Variants in ASIC2 observed in about 807,000 individuals in gnomAD.
ASIC2 encodes acid-sensing ion channel 2.
In ASIC2, 25 loss-of-function variants were observed where a neutral mutation model predicts 57.3. The ratio of observed to expected loss-of-function variants is 0.44; its 90% CI spans 0.32 to 0.61. ASIC2 has a LOEUF of 0.61. Among genes scored for constraint, ASIC2 ranks in the 20% least tolerant of loss-of-function variants. The pLI is 0.06. For synonymous variants in ASIC2, 319 were observed against 307.5 expected, an observed-to-expected ratio of 1.04 and a Z score of -0.39; for missense variants, 641 against 738.1, an observed-to-expected ratio of 0.87 and a Z score of 1.52.
At chr17:33,836,011 C>T (rs530191261) in intron 1 of ASIC2, among the ~76,000 whole-genome samples, 264 of 148,954 alleles carry the variant, frequency 1.8e-3, no homozygotes, top group South Asian at 8.4e-3. Context: ...TTATGTCTAT[C>T]GTATATAATA....
At chr17:33,297,103 A>G (rs1905749143), upstream of ASIC2, among the ~76,000 whole-genome samples, 1 of 152,350 alleles carries the variant, frequency 6.6e-6, no homozygotes, top group South Asian at 2.1e-4. Context: ...AAACTCTTCA[A>G]ACTCTTTATA....
At chr17:34,091,582 C>A (rs1202100304) in intron 1 of ASIC2, among the ~76,000 whole-genome samples, 2 of 152,204 alleles carry the variant, frequency 1.3e-5, no homozygotes, top group Non-Finnish European at 2.9e-5. Flanking sequence ...CAGGTCATTG[C>A]AGGGAAGGGA....
chr17:33,242,815 G>C (rs1453363214), intron 1 of ASIC2, among the ~76,000 whole-genome samples: 3 of 152,092 alleles, frequency 2.0e-5, no homozygotes, highest in East Asian at 1.9e-4. Context: ...TTCTTTCCAG[G>C]GCACTTTGCT....
chr17:34,070,222 C>T (rs1191026401), intron 1 of ASIC2: 2 of 151,954 alleles, frequency 1.3e-5, no homozygotes, highest in African/African-American at 2.4e-5. Context: ...AGTGACCATA[C>T]CAATAAAGCA....
At chr17:33,261,946 G>A (rs1167893507) in intron 1 of ASIC2, among the ~76,000 whole-genome samples, 2 of 152,228 alleles carry the variant, frequency 1.3e-5, no homozygotes, top group Non-Finnish European at 2.9e-5. Context: ...TCACTGAAGT[G>A]TGTGACTACC....
chr17:33,128,070 T>C (rs1003969378), intron 1 of ASIC2, among the ~76,000 whole-genome samples: 4 of 152,244 alleles, frequency 2.6e-5, no homozygotes, highest in African/African-American at 4.8e-5. Flanking sequence ...CCTGCCTTCA[T>C]TGAGTTAACT....
intron 3 of ASIC2, among the ~76,000 whole-genome samples, chr17:33,050,976 T>C (rs1455171179): frequency 6.6e-6 from 1 of 152,122 alleles, no homozygotes; most frequent in East Asian, 1.9e-4. Flanking sequence ...CATGGTCTCA[T>C]TGTTGGCTAG....
At chr17:33,886,223 G>A (rs1468183334) in intron 1 of ASIC2, among the ~76,000 whole-genome samples, 1 of 152,148 alleles carries the variant, frequency 6.6e-6, no homozygotes, top group Admixed American at 6.6e-5. Flanking sequence ...AGAAGGCACA[G>A]TAGCCCTTAG....
intron 1 of ASIC2, among the ~76,000 whole-genome samples, chr17:33,452,738 G>GGGGTGTGTGTGTGTGTGT (rs1555535324): frequency 2.8e-5 from 4 of 140,508 alleles, no homozygotes; most frequent in South Asian, 4.9e-4. Context: ...AACAGAGTGG[G>GGGGTGTGTGTGTGTGTGT]GTGTGTGTGT....
intron 1 of ASIC2, among the ~76,000 whole-genome samples, chr17:33,143,216 A>G: frequency 6.6e-6 from 1 of 152,176 alleles, no homozygotes; most frequent in East Asian, 1.9e-4. Flanking sequence ...TGAAATGTAG[A>G]TATCTTGACA....
chr17:33,879,127 C>A (rs1374714508), intron 1 of ASIC2, among the ~76,000 whole-genome samples: 1 of 152,298 alleles, frequency 6.6e-6, no homozygotes, highest in South Asian at 2.1e-4. Context: ...TGGAAAGGAA[C>A]AACCGGTACC....
chr17:33,659,877 A>AATAAATAC, intron 1 of ASIC2, among the ~76,000 whole-genome samples: 1 of 55,438 alleles, frequency 1.8e-5, no homozygotes, highest in East Asian at 6.6e-4. Context: ...GTCTCAAATA[A>AATAAATAC]ATAAATAAAT....
At chr17:33,464,668 TCC>T (rs1491483382) in intron 1 of ASIC2, among the ~76,000 whole-genome samples, 12 of 54,436 alleles carry the variant, frequency 2.2e-4, no homozygotes, top group African/African-American at 6.1e-4. Context: ...TCTCTCTCTC[TCC>T]CTCTCTCTCT....
In ASIC2 at chr17:33,111,598, C is replaced by T. The variant is rs375343957; in HGVS notation, c.859+319G>A. ...GAGAAAGAGGCTGATCCATCCTTCC[C>T]GCCTCTCCTGAAATCAAGCCACTCA... On this transcript the variant is annotated intron_variant, in intron 2 of 9. Coordinates refer to ENST00000225823, the MANE Select transcript of ASIC2 (RefSeq NM_183377.2). Among the ~76,000 whole-genome samples the T allele has an allele frequency of 3.3e-5, 5 of 152,278 alleles. No homozygotes were observed. In the South Asian group the frequency reaches 6.2e-4, roughly 19 times the overall value.
intron 1 of ASIC2, among the ~76,000 whole-genome samples, chr17:33,501,590 C>T (rs1442292640): frequency 1.3e-5 from 2 of 152,212 alleles, no homozygotes; most frequent in African/African-American, 2.4e-5. Flanking sequence ...CTAGAGAGCA[C>T]TGCTCTTTAG....
chr17:33,579,293 A>AAC (rs1357610829), intron 1 of ASIC2, among the ~76,000 whole-genome samples: 1 of 150,960 alleles, frequency 6.6e-6, no homozygotes, highest in African/African-American at 2.4e-5. Context: ...TCTCAAAAAA[A>AAC]AAAAAAAAAA....
At chr17:34,098,929 T>C (rs917429265) in intron 1 of ASIC2, among the ~76,000 whole-genome samples, 3 of 151,930 alleles carry the variant, frequency 2.0e-5, no homozygotes, top group African/African-American at 7.3e-5. Flanking sequence ...CCCGTGATAC[T>C]GTGTGATACA....
chr17:33,660,047 G>C (rs1012666307), intron 1 of ASIC2, among the ~76,000 whole-genome samples: 8 of 151,974 alleles, frequency 5.3e-5, no homozygotes, highest in African/African-American at 1.9e-4. Context: ...TCGTGCCACT[G>C]CACTCCAGCC....
At chr17:33,586,722 G>A (rs1904646868) in intron 1 of ASIC2, among the ~76,000 whole-genome samples, 1 of 152,080 alleles carries the variant, frequency 6.6e-6, no homozygotes, top group African/African-American at 2.4e-5. Context: ...TCTCATCTTA[G>A]ACCTGCCTTC....
Sources: gnomAD v4.1 joint callset for allele counts (sites outside exome capture counted in the v4.1 genomes callset) on GRCh38, gnomAD v4.1.1 for gene constraint, MANE v1.5 for transcripts, NCBI Gene and HGNC (gene_info 2026-07-23, HGNC 2026-07-21) for gene names.